Variants in KIF21A observed in about 807,000 individuals in gnomAD.
The protein encoded by KIF21A is kinesin-like protein KIF21A.
Under a neutral mutation model 202.9 loss-of-function variants are expected in KIF21A, and 114 were observed. That is an observed-to-expected ratio of 0.56 (90% confidence interval 0.48 to 0.66). The LOEUF (loss-of-function observed/expected upper bound fraction) is 0.66. KIF21A is among the 30% of genes least tolerant of loss of function. KIF21A has a pLI of 0.00. For missense variants in KIF21A, 1,677 were observed against 1,994.9 expected (o/e 0.84, Z 3.04); for synonymous variants, 667 against 670.8 (o/e 0.99, Z 0.09).
rs1943836099 is a variant in KIF21A at position 39,309,752 on chromosome 12, C to G, written c.4111G>C (p.Val1371Leu). Residue 1371 changes from valine to leucine, a missense_variant, in exon 33 of 38, where the codon GTA (valine) becomes CTA (leucine). Transcript: ENST00000361418. ...FTGSKDRTCK[V>L]WNLVTGQEIM... ...TCCTGCCCAGTCACCAGATTCCATA[C>G]TTTACAAGTACGATCTAAAACAAAC... 6.2e-7 allele frequency: 1 copy of G among 1,613,010 alleles called. No homozygotes were observed. Among genetic ancestry groups the G allele is most frequent in the Non-Finnish European group, 8.5e-7 (1 of 1,179,592 alleles).
intron 37 of KIF21A, among the ~76,000 whole-genome samples, chr12:39,299,341 T>C (rs763526313): frequency 3.3e-5 from 5 of 151,962 alleles, no homozygotes; most frequent in Admixed American, 1.3e-4. Context: ...TACATGCCGC[T>C]AACTAGAATA....
intron 32 of KIF21A, among the ~76,000 whole-genome samples, chr12:39,310,753 T>C (rs1233396904): frequency 6.6e-6 from 1 of 152,024 alleles, no homozygotes; most frequent in African/African-American, 2.4e-5. Flanking sequence ...ATAATTCCTC[T>C]CTTTTCCAGA....
At chr12:39,366,894 A>C (rs922545589) in intron 5 of KIF21A, 136 bp downstream of exon 5, 11 of 898,558 alleles carry the variant, frequency 1.2e-5, no homozygotes, top group Non-Finnish European at 1.9e-5. Context: ...CTTCAACTTA[A>C]CTAGGATCAG....
Position 39,293,431 on chromosome 12 carries a change from T to C in KIF21A, c.*993A>G, listed in dbSNP as rs1292346514. ...TTTGCAAAATCCAGTCAACAACTTTTAAAAATTCATACAGGCACAACACAA... is the reference window on the plus strand; with the variant it reads ...TTTGCAAAATCCAGTCAACAACTTTCAAAAATTCATACAGGCACAACACAA... On this transcript the variant is annotated 3_prime_UTR_variant, in exon 38 of 38. Coordinates refer to ENST00000361418, the MANE Select transcript of KIF21A (RefSeq NM_001173464.2). 1 of 152,610 alleles carries C rather than the reference T, an allele frequency of 6.6e-6. No homozygotes were observed. The highest frequency in any genetic ancestry group is 2.4e-5 in the African/African-American group (1 of 41,450). 9.5% of individuals were successfully genotyped at this position (152,610 alleles called of 1,614,324 possible).
chr12:39,385,710 G>A (rs1184315249), intron 1 of KIF21A, among the ~76,000 whole-genome samples: 2 of 152,050 alleles, frequency 1.3e-5, no homozygotes, highest in Non-Finnish European at 2.9e-5. Context: ...TGCTAGAAAG[G>A]CTTGAGACTA....
rs75425609 is a variant in KIF21A at position 39,440,155 on chromosome 12, T to C, written c.44+2772A>G. 9.4e-4 allele frequency among the ~76,000 whole-genome samples: 143 copies of C among 152,348 alleles called. 1 individual carries two copies. In the East Asian group the frequency reaches 0.021, roughly 23 times the overall value. On this transcript the variant is annotated intron_variant, in intron 1 of 37. Coordinates refer to ENST00000361418, the MANE Select transcript of KIF21A (RefSeq NM_001173464.2). ...AAGTTCAGGTCCTGTCTTAGTTCTATCTTTTCTAGCAATATCAAAATATGA... is the reference window on the plus strand; with the variant it reads ...AAGTTCAGGTCCTGTCTTAGTTCTACCTTTTCTAGCAATATCAAAATATGA...
At chr12:39,357,148 G>A in intron 9 of KIF21A, 100 bp downstream of exon 9, 1 of 1,019,208 alleles carries the variant, frequency 9.8e-7, no homozygotes, top group Non-Finnish European at 1.6e-6. Flanking sequence ...CACAGAGACT[G>A]GCATTTCTAT....
chr12:39,357,234 C>A lies in KIF21A; in HGVS notation c.1405+14G>T, dbSNP rs753779067. 3.7e-6 allele frequency: 6 copies of A among 1,613,312 alleles called. No individual in the cohort carries two copies. The highest frequency in any genetic ancestry group is 5.1e-6 in the Non-Finnish European group (6 of 1,179,258). The stretch of plus-strand genomic sequence containing the variant: ...AGAAGTTAATCCCTCACTTATCCCA[C>A]CCTACCCACATACCTGCTCTGGCAA... On this transcript the variant is annotated intron_variant, in intron 9 of 37. Transcript: ENST00000361418.
chr12:39,338,974 G>T (rs1267546218), intron 16 of KIF21A, among the ~76,000 whole-genome samples: 1 of 152,096 alleles, frequency 6.6e-6, no homozygotes, highest in Non-Finnish European at 1.5e-5. Flanking sequence ...AATCAGGAAT[G>T]CCTGTAAAAG....
intron 10 of KIF21A, chr12:39,356,621 G>A (rs1459709939): frequency 6.8e-6 from 3 of 439,292 alleles, no homozygotes; most frequent in South Asian, 2.9e-5. Flanking sequence ...AAGAGTAGGA[G>A]AATAATATGG....
intron 1 of KIF21A, among the ~76,000 whole-genome samples, chr12:39,381,978 C>A (rs1423316568): frequency 6.6e-6 from 1 of 152,150 alleles, no homozygotes; most frequent in Non-Finnish European, 1.5e-5. Flanking sequence ...TGAGTAAAAT[C>A]CCCAGACAAT....
chr12:39,310,742 C>A (rs1297398951), intron 32 of KIF21A, among the ~76,000 whole-genome samples: 1 of 151,964 alleles, frequency 6.6e-6, no homozygotes, highest in African/African-American at 2.4e-5. Flanking sequence ...CATAGCTGGG[C>A]ATAATTCCTC....
At chr12:39,304,634 G>A (rs947724510) in intron 35 of KIF21A, among the ~76,000 whole-genome samples, 187 bp downstream of exon 35, 1 of 152,118 alleles carries the variant, frequency 6.6e-6, no homozygotes, top group African/African-American at 2.4e-5. Context: ...TCTATGAAAA[G>A]TGAGAATGCA....
At chr12:39,357,201 T>G in intron 9 of KIF21A, 47 bp downstream of exon 9, 2 of 1,505,936 alleles carry the variant, frequency 1.3e-6, no homozygotes, top group South Asian at 2.3e-5. Flanking sequence ...GAATGTTCCC[T>G]GCCCTCCAGA....
intron 29 of KIF21A, among the ~76,000 whole-genome samples, chr12:39,317,562 G>C (rs1266088460): frequency 1.3e-5 from 2 of 152,150 alleles, no homozygotes; most frequent in African/African-American, 2.4e-5. Flanking sequence ...CCGTAAAGGT[G>C]ATTTTTTATT....
intron 1 of KIF21A, among the ~76,000 whole-genome samples, chr12:39,404,964 A>C (rs1046814965): frequency 5.3e-5 from 8 of 150,448 alleles, no homozygotes; most frequent in African/African-American, 2.0e-4. Context: ...TGGAAAGTAA[A>C]TTTTCCTAAG....
chr12:39,421,489 T>A (rs1954252760), intron 1 of KIF21A, among the ~76,000 whole-genome samples: 1 of 151,970 alleles, frequency 6.6e-6, no homozygotes, highest in African/African-American at 2.4e-5. Flanking sequence ...GGGCAGGAGT[T>A]CAAGACCAGC....
intron 1 of KIF21A, among the ~76,000 whole-genome samples, chr12:39,379,549 A>C (rs1950480679): frequency 1.3e-5 from 2 of 152,094 alleles, no homozygotes; most frequent in South Asian, 4.1e-4. Context: ...TCTTCAACTT[A>C]CCCTGTACCC....
At chr12:39,436,212 T>C (rs1938658852) in intron 1 of KIF21A, among the ~76,000 whole-genome samples, 2 of 151,708 alleles carry the variant, frequency 1.3e-5, no homozygotes. Flanking sequence ...CTTCGATGTA[T>C]GTTAGCAAAA....
Sources: allele counts gnomAD v4.1 joint callset (sites outside exome capture counted in the v4.1 genomes callset), GRCh38; gene constraint gnomAD v4.1.1; transcripts MANE v1.5; gene names NCBI Gene and HGNC (gene_info 2026-07-23, HGNC 2026-07-21).